The following BACH1 variants were observed in gnomAD, a reference collection of about 807,000 sequenced individuals.
BACH1 encodes the protein BTB domain and CNC homolog 1, also known as transcription regulator protein BACH1.
In BACH1, 35 loss-of-function variants were observed where a neutral mutation model predicts 52.9. The observed-to-expected ratio is 0.66, with a 90% CI of 0.51 to 0.88. The LOEUF is 0.88. Ranked by LOEUF, BACH1 falls within the 40% of genes least tolerant of loss-of-function variation. The pLI is 0.00. For missense variants in BACH1, 808 were observed against 872.6 expected (o/e 0.93, Z 0.93); for synonymous variants, 321 against 319.6 (o/e 1.00, Z -0.05).
intron 1 of BACH1, chr21:29,305,264 C>A (rs1328578890): frequency 6.6e-6 from 1 of 151,504 alleles, no homozygotes; most frequent in Non-Finnish European, 1.5e-5. Context: ...TGCTGGCATG[C>A]CTTCAGTTTC....
intron 2 of BACH1, among the ~76,000 whole-genome samples, chr21:29,323,332 A>G (rs2088870995): frequency 2.0e-5 from 3 of 152,154 alleles, no homozygotes; most frequent in African/African-American, 4.8e-5. Context: ...TCCGAGTCCA[A>G]AGGCCTCAAA....
In BACH1 at chr21:29,333,926, A is replaced by G. The variant is rs192018291; in HGVS notation, c.1776+4233A>G. On this transcript the variant is annotated intron_variant, in intron 4 of 4. Transcript: ENST00000286800. Reference sequence around the variant, plus strand: ...TCAGAGTCTAATAGAACCTTTGAAGAAAAGGTGTTTATTTATTTGGTGGAA... The same window carrying G: ...TCAGAGTCTAATAGAACCTTTGAAGGAAAGGTGTTTATTTATTTGGTGGAA... Among the ~76,000 whole-genome samples the G allele has an allele frequency of 3.3e-3, 506 of 152,280 alleles. 5 individuals carry two copies. The highest frequency in any genetic ancestry group is 0.012 in the African/African-American group (484 of 41,568).
rs1414668199 is a variant in BACH1, at chr21:29,343,049, T to C, written c.*216T>C. ...CTCCTGGATATCAGAAAAATCCATGTGAAAATGTAGTAAACCTTTAAAACT... is the reference window on the plus strand; with the variant it reads ...CTCCTGGATATCAGAAAAATCCATGCGAAAATGTAGTAAACCTTTAAAACT... On this transcript the variant is annotated 3_prime_UTR_variant, in exon 5 of 5. Transcript: ENST00000286800. The C allele has an allele frequency of 4.3e-6, 2 of 461,690 alleles. No homozygotes were observed. Among genetic ancestry groups the C allele is most frequent in the Non-Finnish European group, 7.6e-6 (2 of 264,252 alleles). 28.6% of individuals were successfully genotyped at this position (461,690 alleles called of 1,614,324 possible).
intron 1 of BACH1, among the ~76,000 whole-genome samples, chr21:29,320,515 T>G (rs529960531): frequency 1.4e-3 from 213 of 152,358 alleles, no homozygotes; most frequent in African/African-American, 4.9e-3. Flanking sequence ...TAACTTTTTC[T>G]TAGCATTTTG....
In BACH1 at chr21:29,321,461, T is replaced by G. The variant is rs746539423; in HGVS notation, c.181T>G (p.Ser61Ala). 4 of 1,614,070 alleles carry G rather than the reference T, an allele frequency of 2.5e-6. No individual in the cohort carries two copies. The South Asian group carries it at 4.4e-5, about 18-fold the overall frequency. ...VLAACSSYFH[S>A]RIVGQADGEL... is the part of the protein sequence containing the mutation. ...GGCGGCATGCAGCAGTTACTTCCAC[T>G]CAAGAATCGTAGGCCAGGCTGATGG... Residue 61 changes from serine to alanine, a missense_variant, in exon 2 of 5, where the codon TCA (serine) becomes GCA (alanine). Physicochemically the swap from Ser to Ala is moderately conservative, Grantham distance 99 (BLOSUM62 1). Coordinates refer to ENST00000286800, the MANE Select transcript of BACH1 (RefSeq NM_001186.4).
intron 1 of BACH1, among the ~76,000 whole-genome samples, chr21:29,311,472 C>A (rs189212086): frequency 2.4e-4 from 29 of 119,720 alleles, no homozygotes; most frequent in African/African-American, 9.2e-4. Flanking sequence ...TGCTGCACCT[C>A]ACCCCCTAAT....
rs554731577 is a variant in BACH1, at chr21:29,341,593, A to C, written c.1777-806A>C. 2.0e-5 allele frequency among the ~76,000 whole-genome samples: 3 copies of C among 152,352 alleles called. No individual in the cohort carries two copies. The East Asian group carries it at 5.8e-4, about 29-fold the overall frequency. On this transcript the variant is annotated intron_variant, in intron 4 of 4. Transcript: ENST00000286800. ...GAAAAATTCTGTGGTAGACTTTCTT[A>C]TAGGGGTAATATCTTAAAATTATAA... is the stretch of plus-strand genomic sequence containing the variant.
rs887766076 is a variant in BACH1, at chr21:29,343,477, T to C, written c.*644T>C. The C allele has an allele frequency of 6.6e-6, 1 of 152,280 alleles. No individual in the cohort carries two copies. The highest frequency in any genetic ancestry group is 1.5e-5 in the Non-Finnish European group (1 of 68,102). 9.4% of individuals were successfully genotyped at this position (152,280 alleles called of 1,614,324 possible). A position where few individuals can be genotyped will look rare whatever the true frequency, so the allele number is the denominator to read the frequency against. On this transcript the variant is annotated 3_prime_UTR_variant, in exon 5 of 5. Transcript: ENST00000286800. ...GGCCTAAGACGGGGGCTGCTTCTCCTCTTCAGTATGGACTCTAGAAAGTCT... is the reference window on the plus strand; with the variant it reads ...GGCCTAAGACGGGGGCTGCTTCTCCCCTTCAGTATGGACTCTAGAAAGTCT...
intron 1 of BACH1, among the ~76,000 whole-genome samples, chr21:29,316,799 T>C (rs2088792630): frequency 6.6e-6 from 1 of 152,224 alleles, no homozygotes. Flanking sequence ...GTCCTTGCTC[T>C]TTTTTGGCCT....
chr21:29,343,794 A>G lies in BACH1; in HGVS notation c.*961A>G, dbSNP rs1359259240. On this transcript the variant is annotated 3_prime_UTR_variant, in exon 5 of 5. Coordinates refer to ENST00000286800, the MANE Select transcript of BACH1 (RefSeq NM_001186.4). ...AGAATGTTGCTTACTTTTTACCAGG[A>G]GTGCAGTTCATTTTTTTCACCCTGT... 6.6e-6 allele frequency: 1 copy of G among 152,194 alleles called. No homozygotes were observed. Among genetic ancestry groups the G allele is most frequent in the Non-Finnish European group, 1.5e-5 (1 of 68,034 alleles). 9.4% of individuals were successfully genotyped at this position (152,194 alleles called of 1,614,324 possible).
chr21:29,328,104 A>C (rs539941228), intron 3 of BACH1, among the ~76,000 whole-genome samples: 8 of 152,364 alleles, frequency 5.3e-5, no homozygotes, highest in African/African-American at 1.7e-4. Flanking sequence ...CATGTCCCTG[A>C]GCAGTGGTTT....
At position 29,324,742 on chromosome 21, in the gene BACH1, G is replaced by C. The variant is rs533890690; in HGVS notation, c.235-1317G>C. Among the ~76,000 whole-genome samples the C allele has an allele frequency of 5.9e-5, 9 of 152,240 alleles. 1 individual carries two copies. The highest frequency in any genetic ancestry group is 2.2e-4 in the African/African-American group (9 of 41,544). ...GGGATAAAAGACCAGGAGTGCAGTTGCTGGGTTATATGGTAGTTGCATGTT... is the reference window on the plus strand; with the variant it reads ...GGGATAAAAGACCAGGAGTGCAGTTCCTGGGTTATATGGTAGTTGCATGTT... On this transcript the variant is annotated intron_variant, in intron 2 of 4. Coordinates refer to ENST00000286800, the MANE Select transcript of BACH1 (RefSeq NM_001186.4).
rs553943646 is a variant in BACH1, at chr21:29,345,274, A to C, written c.*2441A>C. On this transcript the variant is annotated 3_prime_UTR_variant, in exon 5 of 5. Coordinates refer to ENST00000286800, the MANE Select transcript of BACH1 (RefSeq NM_001186.4). The stretch of plus-strand genomic sequence containing the variant: ...ATTAACTTCTAAAGAAGTTTTTTCT[A>C]AGAAAATGTTTCAAGGCAATATTTT... The C allele has an allele frequency of 1.3e-5, 2 of 151,602 alleles. No homozygotes were observed. The highest frequency in any genetic ancestry group is 3.0e-5 in the Non-Finnish European group (2 of 67,720). The allele number at this position is 151,602 out of a possible 1,614,324, so 9.4% of individuals were successfully genotyped here.
chr21:29,356,010 CAA>C (rs1259888275), intron 2 of BACH1, among the ~76,000 whole-genome samples: 1 of 152,168 alleles, frequency 6.6e-6, no homozygotes, highest in African/African-American at 2.4e-5. Context: ...TCACTGCTGC[CAA>C]AGAGTCTATT....
intron 1 of BACH1, among the ~76,000 whole-genome samples, chr21:29,308,995 T>A (rs961104077): frequency 1.3e-5 from 2 of 152,170 alleles, no homozygotes; most frequent in African/African-American, 4.8e-5. Flanking sequence ...TGGTGGCTCA[T>A]GCCTGTAATC....
At chr21:29,346,545 T>C (rs2089169427), downstream of BACH1, among the ~76,000 whole-genome samples, 1 of 152,084 alleles carries the variant, frequency 6.6e-6, no homozygotes, top group African/African-American at 2.4e-5. Context: ...CTAATCATAG[T>C]GATTCTCAGC....
Position 29,326,769 on chromosome 21 carries a change from A to C in BACH1, c.945A>C (p.Ile315=). 6.2e-7 allele frequency: 1 copy of C among 1,614,082 alleles called. No homozygotes were observed. Among genetic ancestry groups the C allele is most frequent in the Non-Finnish European group, 8.5e-7 (1 of 1,180,042 alleles). ...CTCCTTTCCCCCACAATTCTTCCAT[A>C]GACCCTCATGGACTTTATTCTTTGT... The part of the protein sequence containing the change: ...EVTPFPHNSS[I]DPHGLYSLSL... The change falls in exon 3 of 5, where the codon ATA becomes ATC. Residue 315 remains isoleucine, a synonymous_variant. Transcript: ENST00000286800.
intron 2 of BACH1, chr21:29,361,811 A>G (rs896996310): frequency 2.0e-5 from 3 of 152,254 alleles, no homozygotes; most frequent in Non-Finnish European, 2.9e-5. Flanking sequence ...TGCACAAAGC[A>G]TATGCAAAAT....
chr21:29,343,584 T>G lies in BACH1; in HGVS notation c.*751T>G, dbSNP rs2089139352. On this transcript the variant is annotated 3_prime_UTR_variant, in exon 5 of 5. Coordinates refer to ENST00000286800, the MANE Select transcript of BACH1 (RefSeq NM_001186.4). ...TACCATATCTGGTCCCATCATGGAC[T>G]TCCTATTTCCTGGCATTTTTGTCCC... 1 of 152,220 alleles carries G rather than the reference T, an allele frequency of 6.6e-6. No individual in the cohort carries two copies. Among genetic ancestry groups the G allele is most frequent in the Non-Finnish European group, 1.5e-5 (1 of 68,052 alleles). 9.4% of individuals were successfully genotyped at this position (152,220 alleles called of 1,614,324 possible).
Sources: gnomAD v4.1 joint callset for allele counts (sites outside exome capture counted in the v4.1 genomes callset) on GRCh38, gnomAD v4.1.1 for gene constraint, MANE v1.5 for transcripts, NCBI Gene and HGNC (gene_info 2026-07-23, HGNC 2026-07-21) for gene names.